Variants in RIMS2 observed in about 807,000 individuals in gnomAD.
RIMS2 encodes the protein regulating synaptic membrane exocytosis 2, also known as regulating synaptic membrane exocytosis protein 2.
Under a neutral mutation model 174.4 loss-of-function variants are expected in RIMS2, and 59 were observed. That is an observed-to-expected ratio of 0.34 (90% confidence interval 0.27 to 0.42). RIMS2 has a LOEUF of 0.42. Among genes scored for constraint, RIMS2 ranks in the 10% least tolerant of loss-of-function variants. The pLI is 1.00. For synonymous variants in RIMS2, 606 were observed against 572.5 expected (o/e 1.06, Z -0.84); for missense variants, 1,620 against 1,666.3 (o/e 0.97, Z 0.48).
Position 103,942,759 on chromosome 8 carries a change from T to A in RIMS2, c.2548-14T>A, listed in dbSNP as rs781496936. ...TGGTATATTATAACCGTCCTTTGTC[T>A]CTTGGGTTTGTAGATTTTAATTGAA... On this transcript the variant is annotated splice_polypyrimidine_tract_variant and intron_variant, in intron 13 of 23. Transcript: ENST00000504942. 1 of 1,599,500 alleles carries A rather than the reference T, an allele frequency of 6.3e-7. No homozygotes were observed.
At chr8:103,605,483 C>T (rs1236613776) in intron 1 of RIMS2, among the ~76,000 whole-genome samples, 3 of 149,868 alleles carry the variant, frequency 2.0e-5, no homozygotes, top group Non-Finnish European at 4.4e-5. Context: ...TGTCTCTGCC[C>T]GGCTTTGGTA....
At chr8:103,871,327 G>A (rs1451416582) in intron 3 of RIMS2, among the ~76,000 whole-genome samples, 1 of 152,212 alleles carries the variant, frequency 6.6e-6, no homozygotes, top group African/African-American at 2.4e-5. Flanking sequence ...CTGGGAGGCA[G>A]AGGTTGCAGT....
chr8:103,764,039 C>T (rs2098140446), intron 2 of RIMS2, among the ~76,000 whole-genome samples: 1 of 152,190 alleles, frequency 6.6e-6, no homozygotes, highest in Non-Finnish European at 1.5e-5. Flanking sequence ...GTTTCCTATT[C>T]AGTAAGTCTG....
intron 19 of RIMS2, among the ~76,000 whole-genome samples, chr8:104,164,606 G>A (rs1051995071): frequency 1.3e-5 from 2 of 152,108 alleles, no homozygotes; most frequent in African/African-American, 4.8e-5. Flanking sequence ...ATATACCATG[G>A]AATATTATGC....
intron 2 of RIMS2, among the ~76,000 whole-genome samples, chr8:103,731,898 G>A (rs1041469087): frequency 6.6e-6 from 1 of 152,090 alleles, no homozygotes; most frequent in African/African-American, 2.4e-5. Context: ...CAGCTATTTT[G>A]AATTTTCTAT....
At chr8:103,975,772 G>A (rs2093362170) in intron 16 of RIMS2, 1 of 255,092 alleles carries the variant, frequency 3.9e-6, no homozygotes. Context: ...TGTGGTCAAA[G>A]GCCTGAGAGC....
intron 1 of RIMS2, among the ~76,000 whole-genome samples, chr8:103,606,360 G>A (rs1313080358): frequency 2.0e-5 from 3 of 151,576 alleles, no homozygotes; most frequent in Admixed American, 2.0e-4. Context: ...ACTGTGGTCT[G>A]AGAGATAGTT....
At chr8:103,936,181 A>G (rs766429593) in intron 12 of RIMS2, among the ~76,000 whole-genome samples, 7 of 152,196 alleles carry the variant, frequency 4.6e-5, no homozygotes, top group Non-Finnish European at 1.0e-4. Context: ...TGAATAGTAT[A>G]TGTAATGTTA....
At chr8:103,639,592 T>C (rs2096178416) in intron 1 of RIMS2, among the ~76,000 whole-genome samples, 1 of 151,990 alleles carries the variant, frequency 6.6e-6, no homozygotes, top group African/African-American at 2.4e-5. Context: ...AAAATACATT[T>C]GATATTTAGT....
At position 103,608,281 on chromosome 8, in the gene RIMS2, G is replaced by C. The variant is rs563618624; in HGVS notation, c.177-88805G>C. 5.6e-5 allele frequency among the ~76,000 whole-genome samples: 8 copies of C among 143,506 alleles called. No homozygotes were observed. The East Asian group carries it at 1.4e-3, about 24-fold the overall frequency. The allele number at this position is 143,506 out of a possible 152,430, so 94.1% of individuals were successfully genotyped here. A position where few individuals can be genotyped will look rare whatever the true frequency, so the allele number is the denominator to read the frequency against. On this transcript the variant is annotated intron_variant, in intron 1 of 23. Coordinates refer to ENST00000504942, the Ensembl canonical transcript of RIMS2. Reference sequence around the variant, plus strand: ...CCCTGTGAGGTGTCAATCTGCCCCTGCTGGGGGGTGCCTCCCAGTTAGGCT... The same window carrying C: ...CCCTGTGAGGTGTCAATCTGCCCCTCCTGGGGGGTGCCTCCCAGTTAGGCT...
chr8:103,645,474 A>C (rs78062925), intron 1 of RIMS2, among the ~76,000 whole-genome samples: 1,542 of 152,304 alleles, frequency 0.01, 30 homozygotes, highest in African/African-American at 0.035. Context: ...TGATCTAAAG[A>C]GAATTTAATT....
chr8:103,822,604 T>G (rs971985593), intron 3 of RIMS2, among the ~76,000 whole-genome samples: 2 of 151,894 alleles, frequency 1.3e-5, no homozygotes, highest in Non-Finnish European at 3.0e-5. Context: ...GCTTATTCTC[T>G]TATTGTATGG....
At chr8:103,921,576 C>CA (rs1221102633) in intron 9 of RIMS2, 96 bp from the exon 13 acceptor site, 7 of 658,082 alleles carry the variant, frequency 1.1e-5, no homozygotes, top group Non-Finnish European at 1.9e-5. Flanking sequence ...TTGTGGACAT[C>CA]AAAAAAATAA....
intron 19 of RIMS2, among the ~76,000 whole-genome samples, chr8:104,127,338 A>G (rs2098439987): frequency 6.6e-6 from 1 of 152,208 alleles, no homozygotes; most frequent in Non-Finnish European, 1.5e-5. Context: ...TTGAAGCAAA[A>G]CCATTGATTC....
chr8:103,810,007 A>G (rs2098676566), intron 3 of RIMS2, among the ~76,000 whole-genome samples: 1 of 152,160 alleles, frequency 6.6e-6, no homozygotes, highest in Admixed American at 6.6e-5. Context: ...AAGTCAGATA[A>G]TCTTAGCTTC....
chr8:104,065,717 T>G (rs573638141), intron 19 of RIMS2, among the ~76,000 whole-genome samples: 3 of 152,266 alleles, frequency 2.0e-5, no homozygotes, highest in African/African-American at 7.2e-5. Context: ...TTACTCAAGT[T>G]TGCTGACTGA....
At chr8:104,166,074 TTTTTTTTTTTG>T (rs1431115786) in intron 19 of RIMS2, among the ~76,000 whole-genome samples, 2 of 104,440 alleles carry the variant, frequency 1.9e-5, no homozygotes, top group African/African-American at 8.3e-5. Flanking sequence ...TTTTTTTTTT[TTTTTTTTTTTG>T]AGACAGAGTC....
At chr8:103,740,917 G>A (rs1289872225) in intron 2 of RIMS2, among the ~76,000 whole-genome samples, 1 of 151,770 alleles carries the variant, frequency 6.6e-6, no homozygotes, top group Non-Finnish European at 1.5e-5. Context: ...CTTCACAGCA[G>A]TTTATCCACA....
chr8:104,192,607 G>A (rs900370095), intron 19 of RIMS2, among the ~76,000 whole-genome samples: 1 of 152,076 alleles, frequency 6.6e-6, no homozygotes, highest in Non-Finnish European at 1.5e-5. Context: ...AATTGCTGCT[G>A]TACTTACTCA....
Sources: allele counts gnomAD v4.1 joint callset (sites outside exome capture counted in the v4.1 genomes callset), GRCh38; gene constraint gnomAD v4.1.1; transcripts MANE v1.5; gene names NCBI Gene and HGNC (gene_info 2026-07-23, HGNC 2026-07-21).